Variants in EGF observed in about 807,000 individuals in gnomAD.
EGF encodes the protein epidermal growth factor, also known as pro-epidermal growth factor.
Under a neutral mutation model 143.8 loss-of-function variants are expected in EGF, and 95 were observed. The observed-to-expected ratio is 0.66, with a 90% CI of 0.56 to 0.78. EGF has a LOEUF of 0.78. Ranked by LOEUF, EGF falls within the 30% of genes least tolerant of loss-of-function variation. The pLI is 0.00. For synonymous variants in EGF, 510 were observed against 510.5 expected, an observed-to-expected ratio of 1.00 and a Z score of 0.01; for missense variants, 1,320 against 1,470.9, an observed-to-expected ratio of 0.90 and a Z score of 1.68.
chr4:109,945,303 C>G, intron 5 of EGF, 28 bp downstream of exon 5: 1 of 1,602,304 alleles, frequency 6.2e-7, no homozygotes. Flanking sequence ...TTGCGCAGGG[C>G]CTGACACATA....
rs751404636 is a variant in EGF, at chr4:109,988,644, A to G, written c.2669A>G (p.Asn890Ser). Residue 890 changes from asparagine (N) to serine (S), a missense_variant, in exon 18 of 24, where the codon AAC (asparagine) becomes AGC (serine). By Grantham distance (46) the Asn-to-Ser change is conservative. This residue lies in a region of EGF where 1,186 missense variants were observed against 1,313.7 expected (regional missense o/e 0.90). Transcript: ENST00000265171. ...CCCCCTGCCTCCTCCAAGTGCATCAACACCGAAGGTGGTTATGTCTGCCGG... is the reference window on the plus strand; with the variant it reads ...CCCCCTGCCTCCTCCAAGTGCATCAGCACCGAAGGTGGTTATGTCTGCCGG... ...VCPPASSKCINTEGGYVCRCS... is the reference protein window; with the variant it reads ...VCPPASSKCISTEGGYVCRCS... 1.9e-6 allele frequency: 3 copies of G among 1,614,064 alleles called. No individual in the cohort carries two copies. Among genetic ancestry groups the G allele is most frequent in the Admixed American group, 3.3e-5 (2 of 60,018 alleles).
intron 5 of EGF, among the ~76,000 whole-genome samples, chr4:109,952,206 A>G (rs1015105047): frequency 6.6e-6 from 1 of 152,112 alleles, no homozygotes; most frequent in Non-Finnish European, 1.5e-5. Flanking sequence ...TTTTACAACT[A>G]CTTTATTGCT....
intron 20 of EGF, among the ~76,000 whole-genome samples, chr4:109,999,262 C>T (rs901656976): frequency 2.6e-5 from 4 of 152,130 alleles, no homozygotes; most frequent in African/African-American, 9.7e-5. Flanking sequence ...AGGAACTCTG[C>T]CTTCAAATTC....
chr4:109,926,392 T>A (rs183762734), intron 1 of EGF, among the ~76,000 whole-genome samples: 138 of 148,730 alleles, frequency 9.3e-4, no homozygotes, highest in African/African-American at 3.3e-3. Context: ...TCTCTCTCTG[T>A]CGCCCAAGCT....
At chr4:110,004,396 A>G in intron 21 of EGF, 109 bp from the exon 22 acceptor site, 1 of 894,070 alleles carries the variant, frequency 1.1e-6, no homozygotes. Flanking sequence ...CTCCCACACA[A>G]GTACTTAAAT....
intron 1 of EGF, 113 bp downstream of exon 1, chr4:109,913,575 T>C: frequency 6.7e-7 from 1 of 1,487,310 alleles, no homozygotes; most frequent in South Asian, 1.2e-5. Context: ...TGGGTATGTA[T>C]AGTTGCTTAA....
At position 110,011,501 on chromosome 4, in the gene EGF, G is replaced by A. The variant is rs377514714; in HGVS notation, c.*46G>A. The A allele has an allele frequency of 1.4e-4, 220 of 1,613,758 alleles. No individual in the cohort carries two copies. In the African/African-American group the frequency reaches 2.5e-3, roughly 18 times the overall value. ...GTCAAGAAGAATGAACTATGTCGATGCACAGTATCTTTTCTTTCAAAAGTA... is the reference window on the plus strand; with the variant it reads ...GTCAAGAAGAATGAACTATGTCGATACACAGTATCTTTTCTTTCAAAAGTA... On this transcript the variant is annotated 3_prime_UTR_variant, in exon 24 of 24. Coordinates refer to ENST00000265171, the MANE Select transcript of EGF (RefSeq NM_001963.6).
intron 13 of EGF, among the ~76,000 whole-genome samples, chr4:109,979,056 C>G (rs994484294): frequency 2.0e-5 from 3 of 152,188 alleles, no homozygotes; most frequent in Admixed American, 6.5e-5. Context: ...TTAAAACATT[C>G]CCTTGCGTAT....
chr4:110,004,394 C>T, intron 21 of EGF, 111 bp from the exon 22 acceptor site: 1 of 888,352 alleles, frequency 1.1e-6, no homozygotes, highest in South Asian at 1.3e-5. Context: ...CTCTCCCACA[C>T]AAGTACTTAA....
intron 5 of EGF, among the ~76,000 whole-genome samples, chr4:109,957,519 T>G (rs1405459544): frequency 6.6e-6 from 1 of 152,248 alleles, no homozygotes; most frequent in African/African-American, 2.4e-5. Context: ...GAATCCCAAA[T>G]AAAAGCCAAT....
intron 15 of EGF, 46 bp downstream of exon 15, chr4:109,981,021 A>G (rs1437287555): frequency 6.2e-7 from 1 of 1,610,812 alleles, no homozygotes; most frequent in Admixed American, 1.7e-5. Flanking sequence ...TTGGCTCAGA[A>G]ATACAGCTGT....
intron 18 of EGF, 84 bp downstream of exon 18, chr4:109,988,793 GA>G (rs1298728825): frequency 6.3e-7 from 1 of 1,595,486 alleles, no homozygotes; most frequent in Admixed American, 1.7e-5. Context: ...GCAGAGGGAA[GA>G]CAGGATATAA....
At chr4:110,001,122 T>C (rs1390539050) in intron 21 of EGF, among the ~76,000 whole-genome samples, 1 of 152,232 alleles carries the variant, frequency 6.6e-6, no homozygotes, top group South Asian at 2.1e-4. Context: ...TCCAAGTTAG[T>C]GTCTAAATAA....
intron 1 of EGF, among the ~76,000 whole-genome samples, chr4:109,925,586 T>C (rs1401518934): frequency 1.3e-5 from 2 of 152,172 alleles, no homozygotes; most frequent in Non-Finnish European, 2.9e-5. Context: ...TTGGAGCCAA[T>C]AAAGAGTCAA....
intron 18 of EGF, among the ~76,000 whole-genome samples, chr4:109,991,951 G>A (rs1750989557): frequency 6.6e-6 from 1 of 151,746 alleles, no homozygotes; most frequent in South Asian, 2.1e-4. Context: ...CCAGGAGTTT[G>A]AGACAGCCTG....
chr4:109,972,733 C>T (rs1181993141), intron 11 of EGF, among the ~76,000 whole-genome samples: 2 of 152,186 alleles, frequency 1.3e-5, no homozygotes, highest in East Asian at 1.9e-4. Flanking sequence ...GTTTCCAACC[C>T]AGCATAGTCA....
intron 1 of EGF, among the ~76,000 whole-genome samples, chr4:109,930,012 C>T (rs1159488624): frequency 1.3e-5 from 2 of 152,250 alleles, no homozygotes; most frequent in East Asian, 1.9e-4. Flanking sequence ...TGAGTTCTCA[C>T]GAGATCTGAT....
At chr4:110,003,013 CATAGT>C (rs1257415569) in intron 21 of EGF, among the ~76,000 whole-genome samples, 5 of 152,192 alleles carry the variant, frequency 3.3e-5, no homozygotes, top group South Asian at 4.1e-4. Context: ...TTTATGGTTG[CATAGT>C]ATTCCATGGT....
In EGF at chr4:109,913,215, C is replaced by T; in HGVS notation, c.-121C>T. The T allele has an allele frequency of 1.6e-6, 2 of 1,249,226 alleles. No homozygotes were observed. The highest frequency in any genetic ancestry group is 2.3e-6 in the Non-Finnish European group (2 of 863,476). The allele number at this position is 1,249,226 out of a possible 1,614,324, so 77.4% of individuals were successfully genotyped here. On this transcript the variant is annotated 5_prime_UTR_variant, in exon 1 of 24. Coordinates refer to ENST00000265171, the MANE Select transcript of EGF (RefSeq NM_001963.6). Reference sequence around the variant, plus strand: ...CAGCACAACAGGAGAGTAAAAGATGCCCCAGGGCTGAGGCCTCCGCTCAGG... The same window carrying T: ...CAGCACAACAGGAGAGTAAAAGATGTCCCAGGGCTGAGGCCTCCGCTCAGG...
Sources: gnomAD v4.1 joint callset for allele counts (sites outside exome capture counted in the v4.1 genomes callset) on GRCh38, gnomAD v4.1.1 for gene constraint, gnomAD v4.1.1 regional missense constraint, MANE v1.5 for transcripts, NCBI Gene and HGNC (gene_info 2026-07-23, HGNC 2026-07-21) for gene names.